HLA-G: variants seen among roughly 807,000 people sequenced by gnomAD.
HLA-G encodes the protein major histocompatibility complex, class I, G, also known as HLA class I histocompatibility antigen, alpha chain G.
Under a neutral mutation model 39.3 loss-of-function variants are expected in HLA-G, and 34 were observed. The ratio of observed to expected loss-of-function variants is 0.86; its 90% CI spans 0.66 to 1.15. The LOEUF is 1.15. Ranked by LOEUF, HLA-G falls within the 50% of genes most tolerant of loss-of-function variation. The pLI is 0.00. For synonymous variants in HLA-G, 183 were observed against 185.8 expected (o/e 0.99, Z 0.12); for missense variants, 419 against 456.4 (o/e 0.92, Z 0.75).
chr6:29,827,907 G>C lies in HLA-G; in HGVS notation c.63G>C (p.Glu21Asp). Residue 21 changes from glutamate (E) to aspartate (D), a missense_variant, in exon 1 of 7, where the codon GAG becomes GAC. Transcript: ENST00000360323. ...LLLSGALTLT[E>D]TWAGSHSMRY... The stretch of plus-strand genomic sequence containing the variant: ...TCTCGGGGGCCCTGACCCTGACCGA[G>C]ACCTGGGCGGGTGAGTGCGGGGTCA... 6.2e-7 allele frequency: 1 copy of C among 1,611,946 alleles called. No individual in the cohort carries two copies. Among genetic ancestry groups the C allele is most frequent in the Admixed American group, 1.7e-5 (1 of 59,876 alleles).
At chr6:29,827,405 A>G, upstream of HLA-G, 1 of 352,708 alleles carries the variant, frequency 2.8e-6, no homozygotes, top group South Asian at 2.2e-5. Flanking sequence ...ACAGGAGGAC[A>G]GGCAAGGAGT....
At chr6:29,827,704 C>T (rs1420750987), upstream of HLA-G, 4 of 848,766 alleles carry the variant, frequency 4.7e-6, no homozygotes, top group African/African-American at 6.7e-5. Flanking sequence ...TCGGGTCCTT[C>T]TTCCTGGATA....
chr6:29,830,683 A>C (rs1761202947), intron 6 of HLA-G, 85 bp from the exon 7 acceptor site: 8 of 612,148 alleles, frequency 1.3e-5, no homozygotes. Context: ...CTTTGACTTC[A>C]ATGTATTGAG....
chr6:29,827,038 A>G (rs1226037593), upstream of HLA-G: 1 of 525,326 alleles, frequency 1.9e-6, no homozygotes, highest in Middle Eastern at 3.2e-4. Context: ...AGGGCTACGG[A>G]ATGAAGGTAA....
intron 2 of HLA-G, 31 bp downstream of exon 2, chr6:29,828,347 C>T: frequency 6.4e-7 from 1 of 1,555,498 alleles, no homozygotes. Context: ...GAGCAGATCA[C>T]GACCCCCACC....
rs1761069401 is a variant in HLA-G, at chr6:29,829,519, T to C, written c.721T>C (p.Trp241Arg). The change falls in exon 4 of 7, where the codon TGG becomes CGG. Residue 241 changes from tryptophan (W) to arginine (R), a missense_variant. Around this residue, in one of 2 missense-constraint regions of HLA-G, gnomAD observed 328 missense variants for 323.0 expected, o/e 1.02. Coordinates refer to ENST00000360323, the MANE Select transcript of HLA-G (RefSeq NM_001384290.1). ...CTACCCTGCGGAGATCATACTGACC[T>C]GGCAGCGGGATGGGGAGGACCAGAC... ...GFYPAEIILTWQRDGEDQTQD... is the reference protein window; with the variant it reads ...GFYPAEIILTRQRDGEDQTQD... 6.2e-7 allele frequency: 1 copy of C among 1,613,726 alleles called. No individual in the cohort carries two copies. The highest frequency in any genetic ancestry group is 1.7e-5 in the Admixed American group (1 of 59,984).
rs1204402255 is a variant in HLA-G, at chr6:29,828,274, A to G, written c.301A>G (p.Asn101Asp). 6.2e-7 allele frequency: 1 copy of G among 1,613,438 alleles called. No homozygotes were observed. Among genetic ancestry groups the G allele is most frequent in the East Asian group, 2.2e-5 (1 of 44,878 alleles). ...TKAHAQTDRM[N>D]LQTLRGYYNQ... ...GGCCCACGCACAGACTGACAGAATG[A>G]ACCTGCAGACCCTGCGCGGCTACTA... Residue 101 changes from asparagine to aspartate, a missense_variant, in exon 2 of 7, where the codon AAC (asparagine) becomes GAC (aspartate). Coordinates refer to ENST00000360323, the MANE Select transcript of HLA-G (RefSeq NM_001384290.1).
In HLA-G at chr6:29,828,533, G is replaced by A; in HGVS notation, c.344-10G>A. The A allele has an allele frequency of 1.9e-6, 3 of 1,610,882 alleles. No homozygotes were observed. Among genetic ancestry groups the A allele is most frequent in the Non-Finnish European group, 2.5e-6 (3 of 1,178,532 alleles). On this transcript the variant is annotated splice_polypyrimidine_tract_variant and intron_variant, in intron 2 of 6. Transcript: ENST00000360323. ...TCGGTGGGCGGGGCTGACCGAGGGG[G>A]TGGGGCCAGGTTCTCACACCCTCCA...
chr6:29,828,468 T>C lies in HLA-G; in HGVS notation c.344-75T>C, dbSNP rs576591925. The C allele has an allele frequency of 8.9e-6, 14 of 1,568,210 alleles. No homozygotes were observed. The Admixed American group carries it at 2.2e-4, about 24-fold the overall frequency. ...ACCTGGGAGAACCCCAAGGCGCCTT[T>C]ACCAAAATCCCCGCGGGTGGGTCCG... On this transcript the variant is annotated intron_variant, in intron 2 of 6. Transcript: ENST00000360323.
intron 2 of HLA-G, 87 bp downstream of exon 2, chr6:29,828,403 G>C (rs1199893892): frequency 1.9e-6 from 3 of 1,554,732 alleles, no homozygotes; most frequent in Admixed American, 3.7e-5. Flanking sequence ...CTCCGGGTCT[G>C]GGATCCACCC....
Position 29,829,533 on chromosome 6 carries a change from G to A in HLA-G, c.735G>A (p.Gly245=), listed in dbSNP as rs1359268661. ...TCATACTGACCTGGCAGCGGGATGG[G>A]GAGGACCAGACCCAGGACGTGGAGC... The part of the protein sequence containing the change: ...AEIILTWQRD[G]EDQTQDVELV... Residue 245 remains glycine, a synonymous_variant, in exon 4 of 7, where the codon GGG becomes GGA. Coordinates refer to ENST00000360323, the MANE Select transcript of HLA-G (RefSeq NM_001384290.1). The A allele has an allele frequency of 2.5e-6, 4 of 1,613,988 alleles. No individual in the cohort carries two copies. In the Admixed American group the frequency reaches 5.0e-5, roughly 20 times the overall value.
chr6:29,827,380 T>C, upstream of HLA-G: 1 of 350,358 alleles, frequency 2.9e-6, no homozygotes, highest in Non-Finnish European at 5.6e-6. Context: ...GGGGTGATTT[T>C]TCTTCTAGAA....
At chr6:29,828,929 G>A in intron 3 of HLA-G, 111 bp downstream of exon 3, 1 of 1,410,806 alleles carries the variant, frequency 7.1e-7, no homozygotes, top group Non-Finnish European at 9.9e-7. Context: ...CCTCCCTCTG[G>A]TCCTGAGGGA....
chr6:29,827,836 A>C lies in HLA-G; in HGVS notation c.-9A>C. 6.2e-7 allele frequency: 1 copy of C among 1,611,784 alleles called. No individual in the cohort carries two copies. The highest frequency in any genetic ancestry group is 8.5e-7 in the Non-Finnish European group (1 of 1,179,080). ...ACCCACCCGGACTCATTCTCCCCAG[A>C]CGCCAAGGATGGTGGTCATGGCGCC... On this transcript the variant is annotated 5_prime_UTR_variant, in exon 1 of 7. Transcript: ENST00000360323.
chr6:29,829,158 G>A (rs1632939), intron 3 of HLA-G, among the ~76,000 whole-genome samples: 73,352 of 151,568 alleles, frequency 0.48, 17,916 homozygotes, highest in South Asian at 0.67. Context: ...TGTGTGTGGG[G>A]GTCTGACTCC....
In HLA-G at chr6:29,830,862, G is replaced by C. The variant is rs146339774; in HGVS notation, c.*123G>C. 2.0e-3 allele frequency: 796 copies of C among 406,110 alleles called. 3 individuals are homozygous for C. The highest frequency in any genetic ancestry group is 7.1e-3 in the African/African-American group (345 of 48,870). The allele number at this position is 406,110 out of a possible 1,614,324, so 25.2% of individuals were successfully genotyped here. A position where few individuals can be genotyped will look rare whatever the true frequency, so the allele number is the denominator to read the frequency against. ...TTTGTGCAGAGACCAGCCCACCCCT[G>C]TGCCCACCATGACCCTCTTCCTCAT... On this transcript the variant is annotated 3_prime_UTR_variant, in exon 7 of 7. Coordinates refer to ENST00000360323, the MANE Select transcript of HLA-G (RefSeq NM_001384290.1).
In HLA-G at chr6:29,828,317, G is replaced by C. The variant is rs1316445028; in HGVS notation, c.343+1G>C. 6.2e-7 allele frequency: 1 copy of C among 1,610,448 alleles called. No homozygotes were observed. The highest frequency in any genetic ancestry group is 2.2e-5 in the East Asian group (1 of 44,722). On this transcript the variant is annotated splice_donor_variant, in intron 2 of 6. Transcript: ENST00000360323. LOFTEE classifies it high-confidence loss of function. ...GGCTACTACAACCAGAGCGAGGCCA[G>C]TGAGTAACTCCGGCCCAGGGAGCAG...
In HLA-G at chr6:29,828,326, T is replaced by C. The variant is rs1626038; in HGVS notation, c.343+10T>C. 0.53 allele frequency: 848,095 copies of C among 1,595,262 alleles called. 229,801 individuals are homozygous for C. Among genetic ancestry groups the C allele is most frequent in the South Asian group, 0.75 (67,955 of 90,552 alleles). The stretch of plus-strand genomic sequence containing the variant: ...AACCAGAGCGAGGCCAGTGAGTAAC[T>C]CCGGCCCAGGGAGCAGATCACGACC... On this transcript the variant is annotated intron_variant, in intron 2 of 6. Transcript: ENST00000360323.
upstream of HLA-G, chr6:29,827,116 A>C (rs961090747): frequency 4.2e-6 from 2 of 481,148 alleles, no homozygotes. Flanking sequence ...GAGCTTTGTG[A>C]GTCGTGTTGT....
Sources: allele counts gnomAD v4.1 joint callset (sites outside exome capture counted in the v4.1 genomes callset), GRCh38; gene constraint gnomAD v4.1.1; regional missense constraint gnomAD v4.1.1; transcripts MANE v1.5; gene names NCBI Gene and HGNC (gene_info 2026-07-23, HGNC 2026-07-21).